LRP5: variants seen among roughly 807,000 people sequenced by gnomAD.
LRP5 encodes LDL receptor related protein 5, also known as low-density lipoprotein receptor-related protein 5.
In LRP5, 62 loss-of-function variants were observed where a neutral mutation model predicts 154.1. The observed-to-expected ratio is 0.40, with a 90% CI of 0.33 to 0.50. The LOEUF is 0.50. LRP5 is among the 20% of genes least tolerant of loss of function. The pLI is 0.55. For missense variants in LRP5, 1,915 were observed against 2,336.7 expected (o/e 0.82, Z 3.72); for synonymous variants, 966 against 1,011.5 (o/e 0.96, Z 0.85).
At chr11:68,385,693 C>G (rs1261360028) in intron 5 of LRP5, among the ~76,000 whole-genome samples, 1 of 152,076 alleles carries the variant, frequency 6.6e-6, no homozygotes, top group Non-Finnish European at 1.5e-5. Flanking sequence ...CCCTTCATCT[C>G]GGTGGCCTGG....
At chr11:68,439,420 A>G (rs1481546002) in intron 20 of LRP5, among the ~76,000 whole-genome samples, 3 of 152,144 alleles carry the variant, frequency 2.0e-5, no homozygotes, top group Non-Finnish European at 4.4e-5. Context: ...TGGCTTCTCA[A>G]GAGCTCCTAG....
chr11:68,309,268 T>G (rs972818663), upstream of LRP5, among the ~76,000 whole-genome samples: 1 of 148,676 alleles, frequency 6.7e-6, no homozygotes, highest in Middle Eastern at 3.3e-3. Flanking sequence ...AGTCTTGCTC[T>G]GTCGCCCAAG....
intron 2 of LRP5, among the ~76,000 whole-genome samples, chr11:68,350,680 G>C (rs571905909): frequency 1.6e-4 from 24 of 152,368 alleles, no homozygotes; most frequent in South Asian, 4.1e-4. Flanking sequence ...GTGAGGGTCT[G>C]TCCTCACCAA....
chr11:68,366,693 G>T (rs928379898), intron 5 of LRP5, among the ~76,000 whole-genome samples: 1 of 152,180 alleles, frequency 6.6e-6, no homozygotes, highest in Non-Finnish European at 1.5e-5. Flanking sequence ...TTACATCAAA[G>T]GGTCTGTCCG....
intron 1 of LRP5, among the ~76,000 whole-genome samples, chr11:68,343,488 G>T (rs567121005): frequency 3.9e-5 from 6 of 152,254 alleles, no homozygotes; most frequent in African/African-American, 1.4e-4. Context: ...CTGGTGAGTG[G>T]GACAAGCTGG....
intron 5 of LRP5, among the ~76,000 whole-genome samples, chr11:68,379,410 G>T (rs2098639116): frequency 6.6e-6 from 1 of 152,148 alleles, no homozygotes; most frequent in African/African-American, 2.4e-5. Flanking sequence ...GGAAATGCTG[G>T]GGTCCGCGGT....
At chr11:68,443,564 TATATATATATA>T (rs1232400667) in intron 21 of LRP5, among the ~76,000 whole-genome samples, 50 of 36,406 alleles carry the variant, frequency 1.4e-3, no homozygotes, top group African/African-American at 2.1e-3. Context: ...TATATATATA[TATATATATATA>T]TATATATATA....
intron 1 of LRP5, 44 bp from the exon 2 acceptor site, chr11:68,347,803 G>C (rs2098614399): frequency 6.2e-7 from 1 of 1,609,112 alleles, no homozygotes; most frequent in Non-Finnish European, 8.5e-7. Flanking sequence ...TGTGTATCTT[G>C]CTGGCTTAGC....
At chr11:68,360,322 T>C (rs974485716) in intron 3 of LRP5, among the ~76,000 whole-genome samples, 13 of 152,272 alleles carry the variant, frequency 8.5e-5, no homozygotes, top group Middle Eastern at 3.4e-3. Flanking sequence ...TAGCCTGTGT[T>C]TGCTATTTTG....
At chr11:68,315,260 A>C (rs1274908574) in intron 1 of LRP5, among the ~76,000 whole-genome samples, 1 of 152,230 alleles carries the variant, frequency 6.6e-6, no homozygotes, top group Non-Finnish European at 1.5e-5. Context: ...GCAGAGCTGC[A>C]GTGAGCGCAG....
chr11:68,340,137 G>T (rs2098608077), intron 1 of LRP5, among the ~76,000 whole-genome samples: 1 of 152,200 alleles, frequency 6.6e-6, no homozygotes. Flanking sequence ...CTACTCAGGA[G>T]ACTGAGGTGG....
At chr11:68,349,862 ACCTGG>A (rs2098616789) in intron 2 of LRP5, among the ~76,000 whole-genome samples, 1 of 151,922 alleles carries the variant, frequency 6.6e-6, no homozygotes, top group African/African-American at 2.4e-5. Flanking sequence ...ACACACCCTT[ACCTGG>A]GCTGTGCTAA....
At chr11:68,401,395 C>T (rs554244169) in intron 7 of LRP5, among the ~76,000 whole-genome samples, 3 of 152,198 alleles carry the variant, frequency 2.0e-5, no homozygotes, top group Non-Finnish European at 2.9e-5. Context: ...TGTTCCCGCC[C>T]GCCTGCTCAT....
chr11:68,341,059 C>CCTTTTTTTTTTTTTTTTTTTTTTTTT (rs1555071026), intron 1 of LRP5, among the ~76,000 whole-genome samples: 8 of 83,494 alleles, frequency 9.6e-5, no homozygotes, highest in African/African-American at 2.9e-4. Context: ...GGAGATTGTT[C>CCTTTTTTTTTTTTTTTTTTTTTTTTT]TTTTTTTTTT....
At chr11:68,362,589 G>C (rs2098628690) in intron 3 of LRP5, among the ~76,000 whole-genome samples, 1 of 151,982 alleles carries the variant, frequency 6.6e-6, no homozygotes, top group South Asian at 2.1e-4. Context: ...TACTCTGGAG[G>C]CGGAGGTGGG....
chr11:68,442,686 G>T (rs535063181), intron 21 of LRP5, among the ~76,000 whole-genome samples: 143 of 152,288 alleles, frequency 9.4e-4, no homozygotes, highest in African/African-American at 3.3e-3. Flanking sequence ...CATTTCGGAG[G>T]CTCCCAGCTG....
At chr11:68,417,996 C>G (rs1452655896) in intron 13 of LRP5, among the ~76,000 whole-genome samples, 1 of 152,136 alleles carries the variant, frequency 6.6e-6, no homozygotes, top group Admixed American at 6.5e-5. Context: ...CGGAGTCAGG[C>G]TTGTGTGGCC....
chr11:68,358,091 C>A lies in LRP5; in HGVS notation c.686+244C>A, dbSNP rs191321152. Among the ~76,000 whole-genome samples the A allele has an allele frequency of 6.2e-3, 949 of 152,088 alleles. 5 individuals are homozygous for A. The highest frequency in any genetic ancestry group is 0.016 in the Admixed American group (249 of 15,270). On this transcript the variant is annotated intron_variant, in intron 3 of 22. Coordinates refer to ENST00000294304, the MANE Select transcript of LRP5 (RefSeq NM_002335.4). Reference sequence around the variant, plus strand: ...TAGGGCAGAAAAGACTATCTGTAGCCCACACCCATGCACAGTTTTTTTTTT... The same window carrying A: ...TAGGGCAGAAAAGACTATCTGTAGCACACACCCATGCACAGTTTTTTTTTT...
At chr11:68,308,873 C>T (rs1052121090), upstream of LRP5, among the ~76,000 whole-genome samples, 5 of 151,094 alleles carry the variant, frequency 3.3e-5, no homozygotes, top group Admixed American at 2.0e-4. Flanking sequence ...CTCAGCCTCC[C>T]GAGTAGTTGG....
Sources: allele counts gnomAD v4.1 joint callset (sites outside exome capture counted in the v4.1 genomes callset), GRCh38; gene constraint gnomAD v4.1.1; transcripts MANE v1.5; gene names NCBI Gene and HGNC (gene_info 2026-07-23, HGNC 2026-07-21).